CPA6: variants seen among roughly 807,000 people sequenced by gnomAD.
CPA6 encodes the protein carboxypeptidase A6.
In CPA6, 58 loss-of-function variants were observed where a neutral mutation model predicts 63.3. The ratio of observed to expected loss-of-function variants is 0.92; its 90% CI spans 0.74 to 1.14. CPA6 has a LOEUF of 1.14. Among genes scored for constraint, CPA6 ranks in the 50% most tolerant of loss-of-function variants. The pLI, the probability that CPA6 is intolerant of heterozygous loss-of-function variation, is 0.00. For synonymous variants in CPA6, 185 were observed against 179.0 expected, an observed-to-expected ratio of 1.03 and a Z score of -0.27; for missense variants, 565 against 526.6, an observed-to-expected ratio of 1.07 and a Z score of -0.71.
At chr8:67,648,258 GTTTTTT>G (rs4009129) in intron 1 of CPA6, among the ~76,000 whole-genome samples, 9 of 113,894 alleles carry the variant, frequency 7.9e-5, no homozygotes, top group African/African-American at 1.7e-4. Context: ...CCTAGATTAG[GTTTTTT>G]TTTTTTTTTT....
chr8:67,610,430 C>T (rs751069603), intron 2 of CPA6, among the ~76,000 whole-genome samples: 4 of 152,112 alleles, frequency 2.6e-5, no homozygotes, highest in Admixed American at 6.6e-5. Flanking sequence ...ACCATTTCCC[C>T]CCAAGTCTCT....
chr8:67,441,606 C>T (rs1292797914), intron 8 of CPA6, among the ~76,000 whole-genome samples: 1 of 151,962 alleles, frequency 6.6e-6, no homozygotes, highest in Non-Finnish European at 1.5e-5. Flanking sequence ...ATCATAGAAA[C>T]AATATGATAT....
chr8:67,522,361 CA>C (rs1481345016), intron 2 of CPA6, among the ~76,000 whole-genome samples: 1 of 152,190 alleles, frequency 6.6e-6, no homozygotes, highest in African/African-American at 2.4e-5. Context: ...CTGCCTTGCT[CA>C]CTCTCCAGTG....
At chr8:67,666,885 T>C (rs1244997752) in intron 1 of CPA6, among the ~76,000 whole-genome samples, 2 of 152,120 alleles carry the variant, frequency 1.3e-5, no homozygotes, top group Admixed American at 1.3e-4. Context: ...GGGTGGGCCT[T>C]AGGCCTGAGA....
intron 1 of CPA6, among the ~76,000 whole-genome samples, chr8:67,651,729 C>G (rs1223042740): frequency 6.6e-6 from 1 of 151,702 alleles, no homozygotes; most frequent in Non-Finnish European, 1.5e-5. Flanking sequence ...GAGAGCTATT[C>G]TATTTTTTTT....
At chr8:67,642,492 T>G (rs896201721) in intron 1 of CPA6, among the ~76,000 whole-genome samples, 1 of 152,110 alleles carries the variant, frequency 6.6e-6, no homozygotes, top group African/African-American at 2.4e-5. Flanking sequence ...TTGGACAAAC[T>G]GAATCGAAAC....
chr8:67,633,642 C>T (rs903354394), intron 1 of CPA6, among the ~76,000 whole-genome samples: 1 of 145,142 alleles, frequency 6.9e-6, no homozygotes. Context: ...GATCGCGCCA[C>T]TGCACTCCAG....
At chr8:67,557,141 G>A (rs1365084885) in intron 2 of CPA6, among the ~76,000 whole-genome samples, 1 of 152,242 alleles carries the variant, frequency 6.6e-6, no homozygotes, top group African/African-American at 2.4e-5. Flanking sequence ...ATAGAGCCGA[G>A]TGATGAGGCT....
chr8:67,485,645 G>A (rs1241396294), intron 6 of CPA6, among the ~76,000 whole-genome samples: 3 of 152,126 alleles, frequency 2.0e-5, no homozygotes, highest in African/African-American at 4.8e-5. Context: ...GTATTTCACT[G>A]TTACAATATT....
At chr8:67,497,262 C>T (rs1041442659) in intron 6 of CPA6, among the ~76,000 whole-genome samples, 1 of 152,144 alleles carries the variant, frequency 6.6e-6, no homozygotes, top group Non-Finnish European at 1.5e-5. Flanking sequence ...TTCCAATTCC[C>T]GCTTACTCCA....
chr8:67,601,060 C>T (rs1021960213), intron 2 of CPA6, among the ~76,000 whole-genome samples: 1 of 152,140 alleles, frequency 6.6e-6, no homozygotes, highest in African/African-American at 2.4e-5. Context: ...AGAACTATTA[C>T]AAGACATCTG....
At chr8:67,560,568 G>A (rs1039757049) in intron 2 of CPA6, among the ~76,000 whole-genome samples, 7 of 152,148 alleles carry the variant, frequency 4.6e-5, no homozygotes, top group African/African-American at 1.7e-4. Flanking sequence ...AGGGTGAGGG[G>A]CTGTAGAATC....
chr8:67,618,915 A>C (rs900278042), intron 2 of CPA6, among the ~76,000 whole-genome samples: 2 of 152,162 alleles, frequency 1.3e-5, no homozygotes, highest in Non-Finnish European at 2.9e-5. Context: ...CTTAATTAAC[A>C]ATTTAATTGG....
intron 4 of CPA6, among the ~76,000 whole-genome samples, chr8:67,510,854 T>C (rs1812028387): frequency 6.6e-6 from 1 of 152,194 alleles, no homozygotes; most frequent in Non-Finnish European, 1.5e-5. Context: ...ATTAATCAAA[T>C]ACTCACATAA....
At chr8:67,726,348 C>CA (rs1251780393) in intron 1 of CPA6, among the ~76,000 whole-genome samples, 2 of 152,160 alleles carry the variant, frequency 1.3e-5, no homozygotes, top group East Asian at 3.9e-4. Context: ...ACTTTCCTTT[C>CA]AATCCATGCT....
chr8:67,656,353 G>T (rs554566349), intron 1 of CPA6, among the ~76,000 whole-genome samples: 1 of 152,210 alleles, frequency 6.6e-6, no homozygotes, highest in East Asian at 1.9e-4. Context: ...TCTTTTTCCA[G>T]TATCCCATTC....
chr8:67,511,551 G>C lies in CPA6; in HGVS notation c.422C>G (p.Ser141Cys). The change falls in exon 4 of 11, where the codon TCC (serine) becomes TGC (cysteine). Residue 141 changes from serine (S) to cysteine (C), a missense_variant. By Grantham distance (112) the Ser-to-Cys change is moderately radical. Transcript: ENST00000297770. ...LSGYNYEVYH[S>C]LEEIQNWMHH... is the part of the protein sequence containing the mutation. ...CTTTTGATTACATACTTCTTCTAAGGAGTGATAAACTTCATAATTATATCC... is the reference window on the plus strand; with the variant it reads ...CTTTTGATTACATACTTCTTCTAAGCAGTGATAAACTTCATAATTATATCC... The C allele has an allele frequency of 6.4e-7, 1 of 1,572,204 alleles. No individual in the cohort carries two copies. The highest frequency in any genetic ancestry group is 8.8e-7 in the Non-Finnish European group (1 of 1,142,192).
chr8:67,710,670 C>T (rs1254162282), intron 1 of CPA6, among the ~76,000 whole-genome samples: 1 of 151,438 alleles, frequency 6.6e-6, no homozygotes, highest in Non-Finnish European at 1.5e-5. Flanking sequence ...TGTTCAACCT[C>T]CCTTCCTGTC....
chr8:67,670,159 A>T (rs1297695136), intron 1 of CPA6, among the ~76,000 whole-genome samples: 1 of 152,214 alleles, frequency 6.6e-6, no homozygotes, highest in Non-Finnish European at 1.5e-5. Context: ...ATAAAGAAAT[A>T]CGTGAGACTG....
Sources: gnomAD v4.1 joint callset for allele counts (sites outside exome capture counted in the v4.1 genomes callset) on GRCh38, gnomAD v4.1.1 for gene constraint, MANE v1.5 for transcripts, NCBI Gene and HGNC (gene_info 2026-07-23, HGNC 2026-07-21) for gene names.